Variants in BICD1 observed in about 807,000 individuals in gnomAD.
BICD1 encodes protein bicaudal D homolog 1.
In BICD1, 35 loss-of-function variants were observed where a neutral mutation model predicts 92.5. That is an observed-to-expected ratio of 0.38 (90% CI 0.29 to 0.50). The LOEUF (loss-of-function observed/expected upper bound fraction) is 0.50. BICD1 is among the 20% of genes least tolerant of loss of function. The pLI, the probability that BICD1 is intolerant of heterozygous loss-of-function variation, is 0.93. For synonymous variants in BICD1, 429 were observed against 465.1 expected, an observed-to-expected ratio of 0.92 and a Z score of 1.00; for missense variants, 950 against 1,189.8, an observed-to-expected ratio of 0.80 and a Z score of 2.97.
chr12:32,376,386 C>T (rs766506383), intron 9 of BICD1, among the ~76,000 whole-genome samples: 18 of 151,916 alleles, frequency 1.2e-4, no homozygotes, highest in Non-Finnish European at 1.8e-4. Context: ...CGCGCCCGGC[C>T]GCTAGTCAAA....
chr12:32,360,658 T>C (rs1232900330), intron 8 of BICD1, among the ~76,000 whole-genome samples: 1 of 152,068 alleles, frequency 6.6e-6, no homozygotes, highest in Non-Finnish European at 1.5e-5. Flanking sequence ...TTGAGACAAA[T>C]AGAGAAATCA....
intron 1 of BICD1, among the ~76,000 whole-genome samples, chr12:32,134,703 T>C (rs1465844839): frequency 6.6e-6 from 1 of 152,166 alleles, no homozygotes; most frequent in Admixed American, 6.5e-5. Flanking sequence ...AAAGTCTTGA[T>C]AACAGTAGTG....
chr12:32,137,844 C>G (rs907581504), intron 1 of BICD1, among the ~76,000 whole-genome samples: 1 of 151,908 alleles, frequency 6.6e-6, no homozygotes, highest in Non-Finnish European at 1.5e-5. Context: ...GTCTCCTAGG[C>G]TGGAGTGCAG....
At chr12:32,195,019 T>C (rs1414560897) in intron 1 of BICD1, among the ~76,000 whole-genome samples, 3 of 150,966 alleles carry the variant, frequency 2.0e-5, no homozygotes, top group Non-Finnish European at 2.9e-5. Flanking sequence ...GATTGCGTGA[T>C]TCCAGGAGTT....
At chr12:32,171,866 G>A (rs1038949909) in intron 1 of BICD1, among the ~76,000 whole-genome samples, 3 of 151,506 alleles carry the variant, frequency 2.0e-5, no homozygotes, top group African/African-American at 2.4e-5. Context: ...CCCAGGAGGC[G>A]GAGGTTGCCC....
At chr12:32,267,420 T>G (rs1947027826) in intron 2 of BICD1, among the ~76,000 whole-genome samples, 1 of 152,232 alleles carries the variant, frequency 6.6e-6, no homozygotes, top group Non-Finnish European at 1.5e-5. Flanking sequence ...TATAATAGTG[T>G]GTGGCAGAGA....
In BICD1 at chr12:32,293,983, T is replaced by C; in HGVS notation, c.427-11T>C. On this transcript the variant is annotated splice_polypyrimidine_tract_variant and intron_variant, in intron 2 of 9. Coordinates refer to ENST00000652176, the MANE Select transcript of BICD1 (RefSeq NM_001714.4). Reference sequence around the variant, plus strand: ...AGAGTTATATATTGACTGTTTACTCTGTTGTTTCAGAACAATGAGATGGTG... The same window carrying C: ...AGAGTTATATATTGACTGTTTACTCCGTTGTTTCAGAACAATGAGATGGTG... The C allele has an allele frequency of 6.2e-7, 1 of 1,610,902 alleles. No individual in the cohort carries two copies. Among genetic ancestry groups the C allele is most frequent in the Non-Finnish European group, 8.5e-7 (1 of 1,179,046 alleles).
At chr12:32,281,768 G>A (rs1218006210) in intron 2 of BICD1, among the ~76,000 whole-genome samples, 1 of 151,756 alleles carries the variant, frequency 6.6e-6, no homozygotes, top group Non-Finnish European at 1.5e-5. Flanking sequence ...TGGCTGCCCA[G>A]CTAAGCTCAT....
chr12:32,340,042 C>A (rs1312496287), intron 8 of BICD1: 3 of 952,016 alleles, frequency 3.2e-6, no homozygotes, highest in Non-Finnish European at 3.8e-6. Flanking sequence ...CATTTCTATT[C>A]TCTCCTGGCC....
intron 1 of BICD1, among the ~76,000 whole-genome samples, chr12:32,176,619 T>C (rs574381723): frequency 1.1e-3 from 174 of 152,370 alleles, no homozygotes; most frequent in African/African-American, 4.0e-3. Flanking sequence ...TCTATCATTG[T>C]AGATTAGTGT....
At chr12:32,219,490 T>C (rs1387396803) in intron 2 of BICD1, among the ~76,000 whole-genome samples, 1 of 152,220 alleles carries the variant, frequency 6.6e-6, no homozygotes, top group Non-Finnish European at 1.5e-5. Flanking sequence ...TATATTGATA[T>C]AGAGTACATA....
intron 1 of BICD1, among the ~76,000 whole-genome samples, chr12:32,146,667 AGG>A: frequency 1.3e-5 from 2 of 152,340 alleles, no homozygotes; most frequent in South Asian, 4.1e-4. Context: ...GAGCAGACAG[AGG>A]AAGGGCACGC....
chr12:32,336,945 C>T (rs1262171101), intron 6 of BICD1, among the ~76,000 whole-genome samples: 1 of 152,100 alleles, frequency 6.6e-6, no homozygotes, highest in Non-Finnish European at 1.5e-5. Flanking sequence ...GACCCTGTCT[C>T]TTTAAAAAAT....
intron 2 of BICD1, among the ~76,000 whole-genome samples, chr12:32,264,790 A>G (rs949764008): frequency 6.6e-6 from 1 of 152,118 alleles, no homozygotes; most frequent in African/African-American, 2.4e-5. Flanking sequence ...TGCCCAGCCT[A>G]AATAGAATTT....
intron 2 of BICD1, among the ~76,000 whole-genome samples, chr12:32,235,922 C>T (rs912154602): frequency 2.0e-5 from 3 of 148,424 alleles, no homozygotes; most frequent in African/African-American, 5.1e-5. Flanking sequence ...AGACTGGTCT[C>T]GATCTCTTGA....
chr12:32,254,227 TCATATTCACTGCCATATCCCACTTGC>T (rs1250322954), intron 2 of BICD1, among the ~76,000 whole-genome samples: 1 of 146,186 alleles, frequency 6.8e-6, no homozygotes, highest in East Asian at 2.2e-4. Flanking sequence ...ATTCCACATG[TCATATTCACTGCCATATCCCACTTGC>T]CATATTCACT....
chr12:32,162,085 G>A (rs1943617442), intron 1 of BICD1, among the ~76,000 whole-genome samples: 1 of 152,174 alleles, frequency 6.6e-6, no homozygotes. Context: ...ACAGAGAAGG[G>A]AAGTGCCTTC....
intron 1 of BICD1, among the ~76,000 whole-genome samples, chr12:32,147,589 G>T (rs941363756): frequency 2.6e-5 from 4 of 152,034 alleles, no homozygotes; most frequent in African/African-American, 4.8e-5. Context: ...CATCTTCAAG[G>T]CTCCTTCAGA....
intron 8 of BICD1, among the ~76,000 whole-genome samples, chr12:32,346,552 ATAT>A (rs1938584589): frequency 3.5e-5 from 1 of 28,276 alleles, no homozygotes. Context: ...ATATATATAT[ATAT>A]ATATATATAT....
Sources: allele counts gnomAD v4.1 joint callset (sites outside exome capture counted in the v4.1 genomes callset), GRCh38; gene constraint gnomAD v4.1.1; transcripts MANE v1.5; gene names NCBI Gene and HGNC (gene_info 2026-07-23, HGNC 2026-07-21).